MAPKAP1: variants seen among roughly 807,000 people sequenced by gnomAD.
MAPKAP1 encodes the protein target of rapamycin complex 2 subunit MAPKAP1.
In MAPKAP1, 20 loss-of-function variants were observed where a neutral mutation model predicts 65.7. The observed-to-expected ratio is 0.30, with a 90% CI of 0.21 to 0.44. MAPKAP1 has a LOEUF of 0.44. MAPKAP1 is among the 20% of genes least tolerant of loss of function. The pLI, the probability that MAPKAP1 is intolerant of heterozygous loss-of-function variation, is 1.00. For missense variants in MAPKAP1, 423 were observed against 648.0 expected (o/e 0.65, Z 3.77); for synonymous variants, 222 against 244.3 (o/e 0.91, Z 0.85).
intron 1 of MAPKAP1, among the ~76,000 whole-genome samples, chr9:125,679,032 C>T (rs969425187): frequency 3.3e-5 from 5 of 150,724 alleles, no homozygotes; most frequent in Middle Eastern, 3.4e-3. Flanking sequence ...GATGGAGTCT[C>T]GCACTGTCGT....
At chr9:125,602,767 T>A (rs1832336113) in intron 4 of MAPKAP1, among the ~76,000 whole-genome samples, 1 of 152,112 alleles carries the variant, frequency 6.6e-6, no homozygotes, top group South Asian at 2.1e-4. Context: ...CCTGTGAGGA[T>A]CGCTCATTCC....
chr9:125,618,706 T>G (rs952105940), intron 4 of MAPKAP1, among the ~76,000 whole-genome samples: 1 of 152,056 alleles, frequency 6.6e-6, no homozygotes, highest in Non-Finnish European at 1.5e-5. Context: ...AAATATGTTT[T>G]TCAATTATGA....
Position 125,485,704 on chromosome 9 carries a change from C to T in MAPKAP1, c.1067-1121G>A, listed in dbSNP as rs555912981. On this transcript the variant is annotated intron_variant, in intron 8 of 11. Coordinates refer to ENST00000265960, the MANE Select transcript of MAPKAP1 (RefSeq NM_001006617.3). ...CCTCCCTAGGCTAGCTCAAACTCTA[C>T]CTCTCCTGTGAAATCTTTTCTGATG... Among the ~76,000 whole-genome samples the T allele has an allele frequency of 2.0e-5, 3 of 152,254 alleles. No individual in the cohort carries two copies. In the South Asian group the frequency reaches 6.2e-4, roughly 32 times the overall value.
At chr9:125,464,007 T>C (rs1360861891) in intron 10 of MAPKAP1, among the ~76,000 whole-genome samples, 1 of 152,036 alleles carries the variant, frequency 6.6e-6, no homozygotes, top group African/African-American at 2.4e-5. Flanking sequence ...GAAAGGTCCC[T>C]TGCTTTTGTT....
At chr9:125,593,034 C>T (rs977432452) in intron 4 of MAPKAP1, among the ~76,000 whole-genome samples, 44 of 146,266 alleles carry the variant, frequency 3.0e-4, no homozygotes, top group Non-Finnish European at 6.3e-4. Context: ...TGGTGGCTCA[C>T]ACCTACAATC....
At chr9:125,513,998 C>T (rs1829386884) in intron 7 of MAPKAP1, among the ~76,000 whole-genome samples, 1 of 152,184 alleles carries the variant, frequency 6.6e-6, no homozygotes, top group Non-Finnish European at 1.5e-5. Context: ...AATGTCAGAA[C>T]CCACAGAACA....
chr9:125,630,306 T>C (rs1034762677), intron 4 of MAPKAP1, among the ~76,000 whole-genome samples: 1 of 152,020 alleles, frequency 6.6e-6, no homozygotes, highest in Non-Finnish European at 1.5e-5. Context: ...CTTTTTTTTT[T>C]CTTTTTGCAG....
chr9:125,503,526 A>T (rs1490895001), intron 8 of MAPKAP1, among the ~76,000 whole-genome samples: 3 of 152,172 alleles, frequency 2.0e-5, no homozygotes, highest in Non-Finnish European at 4.4e-5. Flanking sequence ...CCTTCAGTGG[A>T]AGAGTTGGTT....
At chr9:125,692,403 C>T (rs926313229) in intron 1 of MAPKAP1, among the ~76,000 whole-genome samples, 2 of 152,178 alleles carry the variant, frequency 1.3e-5, no homozygotes, top group Non-Finnish European at 2.9e-5. Context: ...ATATCAAAGG[C>T]CACAAACTGT....
intron 4 of MAPKAP1, among the ~76,000 whole-genome samples, chr9:125,649,813 AAAAAG>A (rs1049944782): frequency 2.0e-5 from 3 of 151,844 alleles, no homozygotes; most frequent in African/African-American, 4.8e-5. Context: ...AAAAAAAAAA[AAAAAG>A]AAAAGAAGAA....
chr9:125,596,963 T>TAAAAA (rs56718500), intron 4 of MAPKAP1, among the ~76,000 whole-genome samples: 1 of 129,350 alleles, frequency 7.7e-6, no homozygotes. Flanking sequence ...AAATGTGTCT[T>TAAAAA]AAAAAAAAAA....
chr9:125,579,663 C>A (rs937058136), intron 5 of MAPKAP1, among the ~76,000 whole-genome samples: 1 of 152,300 alleles, frequency 6.6e-6, no homozygotes, highest in African/African-American at 2.4e-5. Context: ...TCATGTGCAT[C>A]CAGCAATTCC....
intron 8 of MAPKAP1, among the ~76,000 whole-genome samples, chr9:125,496,823 G>A (rs770123746): frequency 6.6e-6 from 1 of 152,124 alleles, no homozygotes; most frequent in South Asian, 2.1e-4. Context: ...CTCCTTAAAA[G>A]CCATCTTGTA....
At chr9:125,472,238 T>C (rs996048653) in intron 9 of MAPKAP1, among the ~76,000 whole-genome samples, 2 of 152,166 alleles carry the variant, frequency 1.3e-5, no homozygotes, top group Non-Finnish European at 2.9e-5. Flanking sequence ...AGCATCTAAG[T>C]GGAACAGCCA....
chr9:125,637,825 T>A (rs1396975006), intron 4 of MAPKAP1, among the ~76,000 whole-genome samples: 1 of 152,162 alleles, frequency 6.6e-6, no homozygotes, highest in Non-Finnish European at 1.5e-5. Flanking sequence ...TATGCTGGAG[T>A]GCAGTGGCGC....
At chr9:125,657,184 C>A (rs1453742681) in intron 4 of MAPKAP1, among the ~76,000 whole-genome samples, 6 of 152,130 alleles carry the variant, frequency 3.9e-5, no homozygotes, top group African/African-American at 1.4e-4. Flanking sequence ...TACAATTAGA[C>A]CTTGATTAAT....
chr9:125,562,372 G>A (rs1461117496), intron 5 of MAPKAP1, among the ~76,000 whole-genome samples: 5 of 152,178 alleles, frequency 3.3e-5, no homozygotes, highest in Admixed American at 3.3e-4. Context: ...GGCCTGTCCT[G>A]AGCATCAGGA....
intron 1 of MAPKAP1, among the ~76,000 whole-genome samples, chr9:125,704,494 A>G (rs1835700461): frequency 6.6e-6 from 1 of 152,146 alleles, no homozygotes; most frequent in African/African-American, 2.4e-5. Flanking sequence ...CATCTCCTCT[A>G]CTAGAATGTC....
intron 4 of MAPKAP1, among the ~76,000 whole-genome samples, chr9:125,587,992 T>C (rs1831838732): frequency 6.6e-6 from 1 of 152,210 alleles, no homozygotes; most frequent in Non-Finnish European, 1.5e-5. Flanking sequence ...GATACAGTCA[T>C]TGTGAAAATG....
Sources: gnomAD v4.1 joint callset for allele counts (sites outside exome capture counted in the v4.1 genomes callset) on GRCh38, gnomAD v4.1.1 for gene constraint, MANE v1.5 for transcripts, NCBI Gene and HGNC (gene_info 2026-07-23, HGNC 2026-07-21) for gene names.